LY6L: variants seen among roughly 807,000 people sequenced by gnomAD.
LY6L encodes lymphocyte antigen 6 family member L.
In LY6L, 8 loss-of-function variants were observed where a neutral mutation model predicts 8.3. The ratio of observed to expected loss-of-function variants is 0.97; its 90% confidence interval spans 0.57 to 1.74. The LOEUF (loss-of-function observed/expected upper bound fraction) is 1.74, where lower values mean the gene tolerates loss of function less well. LY6L is among the 40% of genes most tolerant of loss of function. LY6L has a pLI of 0.00. For missense variants in LY6L, 156 were observed against 183.8 expected, an observed-to-expected ratio of 0.85 and a Z score of 0.87; for synonymous variants, 79 against 77.9, an observed-to-expected ratio of 1.01 and a Z score of -0.07.
rs1220660196 is a variant in LY6L, at chr8:143,081,314, G to T, written c.177G>T (p.Val59=). Residue 59 remains valine, a synonymous_variant, in exon 3 of 4, where the codon GTG becomes GTT. Coordinates refer to ENST00000562505, the MANE Select transcript of LY6L (RefSeq NM_001368160.2). ...PLDQVCISNE[V]VVSFKWSVRV... is the part of the protein sequence containing the mutation. ...ACCAAGTCTGCATCTCCAACGAGGT[G>T]GTCGTCTCTTTTAGTGAGTCCCCCC... is the stretch of plus-strand genomic sequence containing the variant. The T allele has an allele frequency of 6.5e-7, 1 of 1,529,068 alleles. No individual in the cohort carries two copies. The highest frequency in any genetic ancestry group is 2.0e-5 in the Admixed American group (1 of 50,486). 94.7% of individuals were successfully genotyped at this position (1,529,068 alleles called of 1,614,324 possible).
rs1328125190 is a variant in LY6L, at chr8:143,083,203, TG to T, written c.*553del. Among the ~76,000 whole-genome samples the T allele has an allele frequency of 7.7e-6, 1 of 129,184 alleles. No homozygotes were observed. Among genetic ancestry groups the T allele is most frequent in the African/African-American group, 3.0e-5 (1 of 33,638 alleles). The allele number at this position is 129,184 out of a possible 152,430, so 84.7% of individuals were successfully genotyped here. A position where few individuals can be genotyped will look rare whatever the true frequency, so the allele number is the denominator to read the frequency against. On this transcript the variant is annotated 3_prime_UTR_variant, in exon 4 of 4. Transcript: ENST00000562505. ...GAAGGATGGTGCCTCCGGTGTTGGG[TG>T]ATGGGGAAGGACGGTGCCTCTGGTG...
chr8:143,080,788 C>A (rs111431098), intron 1 of LY6L, 129 bp downstream of exon 1: 5 of 457,838 alleles, frequency 1.1e-5, no homozygotes, highest in African/African-American at 2.0e-5. Flanking sequence ...AGAGGGAATG[C>A]GGGGAAGGGA....
At position 143,082,870 on chromosome 8, in the gene LY6L, C is replaced by T. The variant is rs1032012921; in HGVS notation, c.*219C>T. ...GAACCCCAAGGATTCAGCAACTGCT[C>T]CTCCTGGGGAAGGACAGTGCCTCTG... is the stretch of plus-strand genomic sequence containing the variant. On this transcript the variant is annotated 3_prime_UTR_variant, in exon 4 of 4. Coordinates refer to ENST00000562505, the MANE Select transcript of LY6L (RefSeq NM_001368160.2). 10 of 516,636 alleles carry T rather than the reference C, an allele frequency of 1.9e-5. No individual in the cohort carries two copies. Among genetic ancestry groups the T allele is most frequent in the Non-Finnish European group, 3.4e-5 (10 of 292,360 alleles). 32.0% of individuals were successfully genotyped at this position (516,636 alleles called of 1,614,324 possible). A position where few individuals can be genotyped will look rare whatever the true frequency, so the allele number is the denominator to read the frequency against.
Position 143,080,967 on chromosome 8 carries a change from G to A in LY6L, c.-18-69G>A, listed in dbSNP as rs575177462. 875 of 1,191,436 alleles carry A rather than the reference G, an allele frequency of 7.3e-4. 13 individuals are homozygous for A. In the Admixed American group the frequency reaches 0.018, roughly 24 times the overall value. 73.8% of individuals were successfully genotyped at this position (1,191,436 alleles called of 1,614,324 possible). A position where few individuals can be genotyped will look rare whatever the true frequency, so the allele number is the denominator to read the frequency against. On this transcript the variant is annotated intron_variant, in intron 1 of 3. Coordinates refer to ENST00000562505, the MANE Select transcript of LY6L (RefSeq NM_001368160.2). ...GTGCGCCCTGAGTAAAGCCCCGTCC[G>A]GGAGCAGGAAGCTGGGGAGGGGGCT...
rs190681737 is a variant in LY6L, at chr8:143,082,896, A to G, written c.*245A>G. On this transcript the variant is annotated 3_prime_UTR_variant, in exon 4 of 4. Transcript: ENST00000562505. ...CTCCTGGGGAAGGACAGTGCCTCTG[A>G]TGTGGGTGATGGGAAGGACGGTGCC... 318 of 478,010 alleles carry G rather than the reference A, an allele frequency of 6.7e-4. No individual in the cohort carries two copies. Among genetic ancestry groups the G allele is most frequent in the South Asian group, 2.3e-3 (63 of 27,462 alleles). The allele number at this position is 478,010 out of a possible 1,614,324, so 29.6% of individuals were successfully genotyped here.
At chr8:143,082,314 C>A in intron 3 of LY6L, 111 bp from the exon 4 acceptor site, 1 of 752,708 alleles carries the variant, frequency 1.3e-6, no homozygotes, top group Non-Finnish European at 2.2e-6. Flanking sequence ...CGTGCTCTAG[C>A]TCTTTCTGGT....
Position 143,082,409 on chromosome 8 carries a change from C to T in LY6L, c.191-16C>T. 1 of 1,517,894 alleles carries T rather than the reference C, an allele frequency of 6.6e-7. No individual in the cohort carries two copies. The highest frequency in any genetic ancestry group is 8.8e-7 in the Non-Finnish European group (1 of 1,131,978). 94.0% of individuals were successfully genotyped at this position (1,517,894 alleles called of 1,614,324 possible). On this transcript the variant is annotated splice_polypyrimidine_tract_variant and intron_variant, in intron 3 of 3. Transcript: ENST00000562505. The stretch of plus-strand genomic sequence containing the variant: ...GCTGGGGCTCTGGGGCCACCTGCCT[C>T]TCCTCTTTTCTGCAGAATGGAGTGT...
At chr8:143,081,629 C>T (rs1437569505) in intron 3 of LY6L, among the ~76,000 whole-genome samples, 1 of 152,178 alleles carries the variant, frequency 6.6e-6, no homozygotes, top group Non-Finnish European at 1.5e-5. Flanking sequence ...CTGTTCGAGG[C>T]GATGGGTTAT....
At position 143,083,397 on chromosome 8, in the gene LY6L, C is replaced by T. The variant is rs1820469878; in HGVS notation, c.*746C>T. On this transcript the variant is annotated 3_prime_UTR_variant, in exon 4 of 4. Coordinates refer to ENST00000562505, the MANE Select transcript of LY6L (RefSeq NM_001368160.2). ...TCCAGCCCCCTCTGCCCAAGGGAAA[C>T]CCAGGAAGGATAACACTGTGGGTGC... Among the ~76,000 whole-genome samples the T allele has an allele frequency of 6.6e-6, 1 of 152,144 alleles. No individual in the cohort carries two copies. Among genetic ancestry groups the T allele is most frequent in the African/African-American group, 2.4e-5 (1 of 41,428 alleles).
Position 143,081,031 on chromosome 8 carries a change from C to A in LY6L, c.-18-5C>A. On this transcript the variant is annotated splice_polypyrimidine_tract_variant and splice_region_variant and intron_variant, in intron 1 of 3. Transcript: ENST00000562505. ...CTCCCGCAACACCCACCTCACCCCA[C>A]TCAGGCTGAGCCTTCTGGCGTCATG... 1 of 1,527,208 alleles carries A rather than the reference C, an allele frequency of 6.5e-7. No individual in the cohort carries two copies. Among genetic ancestry groups the A allele is most frequent in the African/African-American group, 1.4e-5 (1 of 72,902 alleles). 94.6% of individuals were successfully genotyped at this position (1,527,208 alleles called of 1,614,324 possible). A position where few individuals can be genotyped will look rare whatever the true frequency, so the allele number is the denominator to read the frequency against.
chr8:143,082,677 G>A lies in LY6L; in HGVS notation c.*26G>A. On this transcript the variant is annotated 3_prime_UTR_variant, in exon 4 of 4. Coordinates refer to ENST00000562505, the MANE Select transcript of LY6L (RefSeq NM_001368160.2). ...GGGCCCTCCCTTTACGCCCCCTCCT[G>A]GCCCTGCTGGCCCATCCCGTCTCCT... is the stretch of plus-strand genomic sequence containing the variant. 1.4e-6 allele frequency: 2 copies of A among 1,424,394 alleles called. No individual in the cohort carries two copies. Among genetic ancestry groups the A allele is most frequent in the Non-Finnish European group, 9.2e-7 (1 of 1,085,834 alleles). The allele number at this position is 1,424,394 out of a possible 1,614,324, so 88.2% of individuals were successfully genotyped here.
intron 3 of LY6L, among the ~76,000 whole-genome samples, chr8:143,082,116 G>A (rs1045655428): frequency 3.9e-5 from 6 of 152,314 alleles, no homozygotes; most frequent in East Asian, 3.9e-4. Flanking sequence ...CCCCGGGGCC[G>A]GCAGGGGTGG....
Position 143,082,454 on chromosome 8 carries a change from C to A in LY6L, c.220C>A (p.Arg74Ser), listed in dbSNP as rs1007697866. Residue 74 changes from arginine (R) to serine (S), a missense_variant, in exon 4 of 4, where the codon CGC becomes AGC. Transcript: ENST00000562505. ...KWSVRVLLSK[R>S]CAPRCPNDNM... ...GAGTGTACGCGTCCTGCTCAGCAAA[C>A]GCTGTGCTCCCAGATGTCCCAACGA... 1 of 1,535,426 alleles carries A rather than the reference C, an allele frequency of 6.5e-7. No individual in the cohort carries two copies. The highest frequency in any genetic ancestry group is 1.4e-5 in the African/African-American group (1 of 73,172).
chr8:143,081,500 G>A (rs747442122), intron 3 of LY6L, among the ~76,000 whole-genome samples, 173 bp downstream of exon 3: 17 of 152,240 alleles, frequency 1.1e-4, no homozygotes, highest in Non-Finnish European at 2.1e-4. Context: ...ATCCCAGAGT[G>A]TGAATTTTGA....
chr8:143,082,557 G>A lies in LY6L; in HGVS notation c.323G>A (p.Cys108Tyr). ...AGGCGCTGCTGTTCCTGGGCTCTCT[G>A]CAACAGGGCACTGACCCCACAGGAG... ...ITRRCCSWAL[C>Y]NRALTPQEGR... Residue 108 changes from cysteine (C) to tyrosine (Y), a missense_variant, in exon 4 of 4, where the codon TGC (cysteine) becomes TAC (tyrosine). Cys to Tyr is a radical substitution (Grantham distance 194, BLOSUM62 -2). Transcript: ENST00000562505. 2.0e-6 allele frequency: 3 copies of A among 1,535,306 alleles called. No homozygotes were observed. Among genetic ancestry groups the A allele is most frequent in the Non-Finnish European group, 2.6e-6 (3 of 1,146,556 alleles).
At position 143,082,492 on chromosome 8, in the gene LY6L, C is replaced by G; in HGVS notation, c.258C>G (p.Phe86Leu). 2.6e-6 allele frequency: 4 copies of G among 1,535,488 alleles called. No individual in the cohort carries two copies. Among genetic ancestry groups the G allele is most frequent in the African/African-American group, 1.4e-5 (1 of 73,172 alleles). Residue 86 changes from phenylalanine (F) to leucine (L), a missense_variant, in exon 4 of 4, where the codon TTC becomes TTG. Phe to Leu is a conservative substitution (Grantham distance 22). Transcript: ENST00000562505. ...GATGTCCCAACGACAACATGAAGTT[C>G]GAATGGTCGCCGGCCCCCATGGTGC... Reference protein sequence around the residue: ...APRCPNDNMKFEWSPAPMVQG... With the variant: ...APRCPNDNMKLEWSPAPMVQG...
chr8:143,080,887 G>A (rs1586643601), intron 1 of LY6L, 149 bp from the exon 2 acceptor site: 1 of 589,078 alleles, frequency 1.7e-6, no homozygotes, highest in Non-Finnish European at 2.9e-6. Flanking sequence ...GGAGGTGGGG[G>A]ACGTCCTGGG....
chr8:143,082,694 C>T lies in LY6L; in HGVS notation c.*43C>T. ...CCCCTCCTGGCCCTGCTGGCCCATC[C>T]CGTCTCCTGCCTCCAACTGCCATCC... On this transcript the variant is annotated 3_prime_UTR_variant, in exon 4 of 4. Transcript: ENST00000562505. The T allele has an allele frequency of 7.3e-7, 1 of 1,378,566 alleles. No individual in the cohort carries two copies. Among genetic ancestry groups the T allele is most frequent in the Non-Finnish European group, 9.5e-7 (1 of 1,048,434 alleles). 85.4% of individuals were successfully genotyped at this position (1,378,566 alleles called of 1,614,324 possible).
Position 143,081,198 on chromosome 8 carries a change from T to C in LY6L, c.74-13T>C, listed in dbSNP as rs986636800. The C allele has an allele frequency of 3.9e-6, 6 of 1,527,686 alleles. No individual in the cohort carries two copies. Among genetic ancestry groups the C allele is most frequent in the Non-Finnish European group, 5.3e-6 (6 of 1,141,186 alleles). The allele number at this position is 1,527,686 out of a possible 1,614,324, so 94.6% of individuals were successfully genotyped here. A position where few individuals can be genotyped will look rare whatever the true frequency, so the allele number is the denominator to read the frequency against. ...CGGACGCTGGTCCACAGCGCCCCGCTTGCTGCCCACAGCTCGCAACCTGAG... is the reference window on the plus strand; with the variant it reads ...CGGACGCTGGTCCACAGCGCCCCGCCTGCTGCCCACAGCTCGCAACCTGAG... On this transcript the variant is annotated splice_polypyrimidine_tract_variant and intron_variant, in intron 2 of 3. Transcript: ENST00000562505.
Sources: gnomAD v4.1 joint callset for allele counts (sites outside exome capture counted in the v4.1 genomes callset) on GRCh38, gnomAD v4.1.1 for gene constraint, MANE v1.5 for transcripts, NCBI Gene and HGNC (gene_info 2026-07-23, HGNC 2026-07-21) for gene names.